EDN1: variants seen among roughly 807,000 people sequenced by gnomAD.
EDN1 encodes endothelin-1.
In EDN1, 11 loss-of-function variants were observed where a neutral mutation model predicts 21.7. The observed-to-expected ratio is 0.51, with a 90% CI of 0.32 to 0.84. EDN1 has a LOEUF of 0.84. Ranked by LOEUF, EDN1 falls within the 40% of genes least tolerant of loss-of-function variation. The pLI, the probability that EDN1 is intolerant of heterozygous loss-of-function variation, is 0.03. For missense variants in EDN1, 244 were observed against 262.3 expected, an observed-to-expected ratio of 0.93 and a Z score of 0.48; for synonymous variants, 85 against 90.6, an observed-to-expected ratio of 0.94 and a Z score of 0.35.
chr6:12,284,763 G>A, the EDN1 span, among the ~76,000 whole-genome samples: 9 of 151,062 alleles, frequency 6.0e-5, no homozygotes, highest in East Asian at 1.6e-3. Context: ...AAGAAAGAAA[G>A]AAAGAAAGAA....
At chr6:12,243,063 A>G in the EDN1 span, among the ~76,000 whole-genome samples, 1 of 152,334 alleles carries the variant, frequency 6.6e-6, no homozygotes, top group African/African-American at 2.4e-5. Flanking sequence ...CTTAACTAGT[A>G]ATAACCCGCT....
the EDN1 span, among the ~76,000 whole-genome samples, chr6:12,246,165 C>A: frequency 1.3e-5 from 2 of 152,138 alleles, no homozygotes; most frequent in Non-Finnish European, 2.9e-5. Context: ...TCCTCCTCTG[C>A]CCTTTAGATT....
the EDN1 span, among the ~76,000 whole-genome samples, chr6:12,258,493 C>T: frequency 4.4e-5 from 6 of 135,180 alleles, no homozygotes; most frequent in Admixed American, 2.2e-4. Context: ...TCAGTCGCAA[C>T]ATTTCTAGAT....
chr6:12,258,747 C>G, the EDN1 span, among the ~76,000 whole-genome samples: 1 of 152,100 alleles, frequency 6.6e-6, no homozygotes, highest in Non-Finnish European at 1.5e-5. Flanking sequence ...TTTGGTACTG[C>G]TAGAGAGAAA....
chr6:12,290,294 T>A, upstream of EDN1: 1 of 342,666 alleles, frequency 2.9e-6, no homozygotes, highest in South Asian at 2.9e-5. Context: ...TGGAATAAAG[T>A]CGGAGCTGTT....
the EDN1 span, among the ~76,000 whole-genome samples, chr6:12,231,953 A>T: frequency 4.0e-5 from 6 of 151,160 alleles, no homozygotes; most frequent in Admixed American, 1.3e-4. Context: ...ACCAAAAAAC[A>T]ATAGACTTAA....
At chr6:12,251,857 C>G in the EDN1 span, among the ~76,000 whole-genome samples, 10 of 152,196 alleles carry the variant, frequency 6.6e-5, no homozygotes, top group Admixed American at 6.5e-4. Flanking sequence ...CCACCAATTA[C>G]CTGCTAATCT....
the EDN1 span, among the ~76,000 whole-genome samples, chr6:12,284,796 A>C: frequency 6.6e-6 from 1 of 151,750 alleles, no homozygotes; most frequent in African/African-American, 2.4e-5. Flanking sequence ...AGAAAGAAAG[A>C]AACCATGAAG....
chr6:12,270,390 T>C, the EDN1 span, among the ~76,000 whole-genome samples: 1 of 152,092 alleles, frequency 6.6e-6, no homozygotes, highest in Non-Finnish European at 1.5e-5. Flanking sequence ...GAGATTTTTC[T>C]ATTTTGTTCA....
chr6:12,253,908 T>C, the EDN1 span, among the ~76,000 whole-genome samples: 1 of 152,080 alleles, frequency 6.6e-6, no homozygotes, highest in Admixed American at 6.6e-5. Flanking sequence ...CCTAAATACA[T>C]CTCAATCCAT....
At chr6:12,290,819 C>T in intron 1 of EDN1, 126 bp downstream of exon 1, 1 of 843,080 alleles carries the variant, frequency 1.2e-6, no homozygotes, top group South Asian at 1.4e-5. Context: ...GAGCAAGTGT[C>T]TGAGAATTAT....
chr6:12,278,903 A>G, the EDN1 span, among the ~76,000 whole-genome samples: 7 of 152,180 alleles, frequency 4.6e-5, no homozygotes, highest in Non-Finnish European at 1.0e-4. Context: ...TAAAAAAAAC[A>G]AAACAAACAA....
At chr6:12,275,141 G>A in the EDN1 span, among the ~76,000 whole-genome samples, 3 of 152,144 alleles carry the variant, frequency 2.0e-5, no homozygotes, top group African/African-American at 7.2e-5. Flanking sequence ...TAACCCAAGA[G>A]CACTTCTAAT....
the EDN1 span, among the ~76,000 whole-genome samples, chr6:12,231,490 A>G: frequency 2.0e-5 from 3 of 152,196 alleles, no homozygotes; most frequent in African/African-American, 4.8e-5. Flanking sequence ...ACTATTAAAC[A>G]TTATTTTTTT....
chr6:12,263,390 G>A, the EDN1 span, among the ~76,000 whole-genome samples: 1 of 152,274 alleles, frequency 6.6e-6, no homozygotes, highest in East Asian at 1.9e-4. Flanking sequence ...CAAAAAGTGG[G>A]TGTACAAATG....
chr6:12,258,933 C>T, the EDN1 span, among the ~76,000 whole-genome samples: 1 of 152,070 alleles, frequency 6.6e-6, no homozygotes, highest in Non-Finnish European at 1.5e-5. Context: ...ATTTCCTGTC[C>T]TCAGCCATAA....
Position 12,293,977 on chromosome 6 carries a change from C to G in EDN1, c.270C>G (p.Ser90=), listed in dbSNP as rs1762757582. 1 of 1,614,032 alleles carries G rather than the reference C, an allele frequency of 6.2e-7. No homozygotes were observed. Among genetic ancestry groups the G allele is most frequent in the Admixed American group, 1.7e-5 (1 of 59,998 alleles). Residue 90 remains serine (S), a synonymous_variant, in exon 3 of 5, where the codon TCC becomes TCG. Transcript: ENST00000379375. ...CGTATGGACTTGGAAGCCCTAGGTC[C>G]AAGAGAGCCTTGGAGAATTTACTTC... ...VVPYGLGSPR[S]KRALENLLPT...
At chr6:12,250,513 A>G in the EDN1 span, among the ~76,000 whole-genome samples, 1 of 152,144 alleles carries the variant, frequency 6.6e-6, no homozygotes, top group Non-Finnish European at 1.5e-5. Flanking sequence ...AGGATTGCTA[A>G]GAGTTTGTTA....
At chr6:12,294,188 A>T in intron 3 of EDN1, 73 bp from the exon 4 acceptor site, 1 of 1,613,204 alleles carries the variant, frequency 6.2e-7, no homozygotes. Flanking sequence ...AGAGAGACTA[A>T]CAGAGACATT....
Sources: allele counts gnomAD v4.1 joint callset (sites outside exome capture counted in the v4.1 genomes callset), GRCh38; gene constraint gnomAD v4.1.1; transcripts MANE v1.5; gene names NCBI Gene and HGNC (gene_info 2026-07-23, HGNC 2026-07-21).